Variants in PON1 observed in about 807,000 individuals in gnomAD.
The protein encoded by PON1 is paraoxonase 1.
In PON1, 37 loss-of-function variants were observed where a neutral mutation model predicts 39.2. The observed-to-expected ratio is 0.94, with a 90% confidence interval of 0.73 to 1.24. The LOEUF (loss-of-function observed/expected upper bound fraction) is 1.24. Among genes scored for constraint, PON1 ranks in the 50% most tolerant of loss-of-function variants. PON1 has a pLI of 0.00. For synonymous variants in PON1, 148 were observed against 152.2 expected, an observed-to-expected ratio of 0.97 and a Z score of 0.21; for missense variants, 397 against 413.5, an observed-to-expected ratio of 0.96 and a Z score of 0.35.
chr7:95,318,332 T>C lies in PON1; in HGVS notation c.136A>G (p.Lys46Glu). 2 of 1,606,546 alleles carry C rather than the reference T, an allele frequency of 1.2e-6. No homozygotes were observed. The highest frequency in any genetic ancestry group is 3.3e-5 in the Admixed American group (2 of 60,004). Reference sequence around the variant, plus strand: ...CCTCTCACATACATACCGATTCCTTTAACTAAATTACAGTTAGGAAGTTCT... The same window carrying C: ...CCTCTCACATACATACCGATTCCTTCAACTAAATTACAGTTAGGAAGTTCT... ...PVELPNCNLVKGIETGSEDLE... is the reference protein window; with the variant it reads ...PVELPNCNLVEGIETGSEDLE... The change falls in exon 2 of 9, where the codon AAA (lysine) becomes GAA (glutamate). Residue 46 changes from lysine (K) to glutamate (E), a missense_variant. By Grantham distance (56) the Lys-to-Glu change is moderately conservative. Transcript: ENST00000222381.
At chr7:95,315,798 T>C (rs146067103) in intron 3 of PON1, among the ~76,000 whole-genome samples, 1,719 of 152,226 alleles carry the variant, frequency 0.011, 19 homozygotes, top group Middle Eastern at 0.037. Context: ...AAAAAGGCAA[T>C]TAATAATAGT....
intron 1 of PON1, among the ~76,000 whole-genome samples, chr7:95,320,586 T>G (rs1050170730): frequency 6.6e-6 from 1 of 152,182 alleles, no homozygotes; most frequent in African/African-American, 2.4e-5. Context: ...GGCCACAGAG[T>G]TATAAAGTGG....
intron 6 of PON1, among the ~76,000 whole-genome samples, chr7:95,307,351 C>T (rs553840670): frequency 6.6e-6 from 1 of 152,244 alleles, no homozygotes; most frequent in Non-Finnish European, 1.5e-5. Flanking sequence ...CCACACCTGG[C>T]CCCTGTTGCT....
Position 95,322,471 on chromosome 7 carries a change from C to T in PON1, c.74+1931G>A, listed in dbSNP as rs17166810. On this transcript the variant is annotated intron_variant, in intron 1 of 8. Transcript: ENST00000222381. ...AACTTGAAAGTTGCAGAAATGATAT[C>T]TAACCCAGGTCATCAGGAATCCACA... is the stretch of plus-strand genomic sequence containing the variant. Among the ~76,000 whole-genome samples the T allele has an allele frequency of 9.3e-3, 1,418 of 152,084 alleles. 23 individuals carry two copies. The highest frequency in any genetic ancestry group is 0.032 in the African/African-American group (1,336 of 41,466).
intron 1 of PON1, among the ~76,000 whole-genome samples, chr7:95,323,321 A>G (rs1401796204): frequency 6.6e-6 from 1 of 152,178 alleles, no homozygotes; most frequent in African/African-American, 2.4e-5. Flanking sequence ...AGCCACCAGC[A>G]CTGTGATTAA....
At chr7:95,310,401 T>C (rs1333400441) in intron 5 of PON1, among the ~76,000 whole-genome samples, 1 of 152,230 alleles carries the variant, frequency 6.6e-6, no homozygotes, top group Non-Finnish European at 1.5e-5. Flanking sequence ...CTCCACTCAG[T>C]GACCTTATTC....
chr7:95,305,336 T>G (rs980187471), intron 7 of PON1, among the ~76,000 whole-genome samples: 2 of 152,260 alleles, frequency 1.3e-5, no homozygotes, highest in Admixed American at 6.5e-5. Context: ...TTTTCACCCA[T>G]TTTGACTCCA....
chr7:95,323,478 A>C (rs1031356703), intron 1 of PON1, among the ~76,000 whole-genome samples: 3 of 152,134 alleles, frequency 2.0e-5, no homozygotes, highest in Admixed American at 2.0e-4. Flanking sequence ...GTAAGCTTCT[A>C]ATTAGTCCAT....
At chr7:95,307,385 T>C (rs1807565637) in intron 6 of PON1, among the ~76,000 whole-genome samples, 1 of 152,136 alleles carries the variant, frequency 6.6e-6, no homozygotes, top group African/African-American at 2.4e-5. Context: ...TGTTACGGAC[T>C]CTAAAATCCT....
In PON1 at chr7:95,302,367, ATAAAG is replaced by A. The variant is rs766896819; in HGVS notation, c.781-39_781-35del. ...ATTAAAAACAAGAAAAGAACAAGAC[ATAAAG>A]TAAAACACAATTGTGATGGAGCAAA... is the stretch of plus-strand genomic sequence containing the variant. On this transcript the variant is annotated intron_variant, in intron 7 of 8. Coordinates refer to ENST00000222381, the MANE Select transcript of PON1 (RefSeq NM_000446.7). 6 of 1,584,522 alleles carry A rather than the reference ATAAAG, an allele frequency of 3.8e-6. No homozygotes were observed. The South Asian group carries it at 4.4e-5, about 12-fold the overall frequency.
intron 3 of PON1, 36 bp from the exon 4 acceptor site, chr7:95,315,526 AC>A: frequency 6.2e-7 from 1 of 1,601,900 alleles, no homozygotes; most frequent in Non-Finnish European, 8.5e-7. Context: ...CAAGCACAAT[AC>A]CAGTACTTCA....
chr7:95,306,816 CAA>C (rs1320846754), intron 6 of PON1, among the ~76,000 whole-genome samples: 2 of 152,026 alleles, frequency 1.3e-5, no homozygotes, highest in East Asian at 3.9e-4. Context: ...TGGCTTGGAT[CAA>C]GAGAAGTCTT....
At chr7:95,322,326 A>AATATGTGTG (rs755322448) in intron 1 of PON1, among the ~76,000 whole-genome samples, 1 of 75,234 alleles carries the variant, frequency 1.3e-5, no homozygotes, top group African/African-American at 4.5e-5. Context: ...ATATAAATAT[A>AATATGTGTG]TGTATGTGTG....
At chr7:95,305,268 G>A (rs1807515662) in intron 7 of PON1, among the ~76,000 whole-genome samples, 1 of 152,170 alleles carries the variant, frequency 6.6e-6, no homozygotes, top group South Asian at 2.1e-4. Context: ...TTCGGAGGTA[G>A]AGGGCTGCTT....
chr7:95,303,591 A>G (rs1041828752), intron 7 of PON1, among the ~76,000 whole-genome samples: 3 of 152,172 alleles, frequency 2.0e-5, no homozygotes, highest in Non-Finnish European at 4.4e-5. Flanking sequence ...GAGCTCCTAC[A>G]TGAGCTCTGC....
chr7:95,306,493 A>G (rs1449928239), intron 6 of PON1, 127 bp from the exon 7 acceptor site: 4 of 734,372 alleles, frequency 5.4e-6, no homozygotes, highest in African/African-American at 1.7e-5. Flanking sequence ...ACCCACCTCA[A>G]ACACACCAAA....
At position 95,305,959 on chromosome 7, in the gene PON1, G is replaced by A. The variant is rs574732276; in HGVS notation, c.780+326C>T. Among the ~76,000 whole-genome samples the A allele has an allele frequency of 3.0e-4, 46 of 152,218 alleles. No homozygotes were observed. The Middle Eastern group carries it at 0.01, about 34-fold the overall frequency. ...AGAAAGAAAAGGGAGGAGAGGGAAGGAAGGTGGAGGAGAGGGAGATCAGAA... is the reference window on the plus strand; with the variant it reads ...AGAAAGAAAAGGGAGGAGAGGGAAGAAAGGTGGAGGAGAGGGAGATCAGAA... On this transcript the variant is annotated intron_variant, in intron 7 of 8. Coordinates refer to ENST00000222381, the MANE Select transcript of PON1 (RefSeq NM_000446.7).
chr7:95,324,432 G>T lies in PON1; in HGVS notation c.44C>A (p.Ala15Glu). 6.2e-7 allele frequency: 1 copy of T among 1,614,168 alleles called. No individual in the cohort carries two copies. The highest frequency in any genetic ancestry group is 2.2e-5 in the East Asian group (1 of 44,858). ...IALTLLGMGL[A>E]LFRNHQSSYQ... ...AGAAGACTGGTGGTTCCTGAAGAGT[G>T]CCAGTCCCATCCCCAAGAGGGTGAG... Residue 15 changes from alanine (A) to glutamate (E), a missense_variant, in exon 1 of 9, where the codon GCA (alanine) becomes GAA (glutamate). Coordinates refer to ENST00000222381, the MANE Select transcript of PON1 (RefSeq NM_000446.7).
rs150072923 is a variant in PON1 at position 95,311,480 on chromosome 7, T to G, written c.468A>C (p.Leu156=). Reference sequence around the variant, plus strand: ...GCAGAAGTTTATGTCTGATGGTTTTTAGATGCAAAAGCGATTTTTCTTCTT... The same window carrying G: ...GCAGAAGTTTATGTCTGATGGTTTTGAGATGCAAAAGCGATTTTTCTTCTT... ...FQEEEKSLLH[L]KTIRHKLLPN... is the part of the protein sequence containing the mutation. Residue 156 remains leucine, a synonymous_variant, in exon 5 of 9, where the codon CTA becomes CTC. Coordinates refer to ENST00000222381, the MANE Select transcript of PON1 (RefSeq NM_000446.7). 79 of 1,614,072 alleles carry G rather than the reference T, an allele frequency of 4.9e-5. No individual in the cohort carries two copies. The highest frequency in any genetic ancestry group is 6.3e-5 in the Non-Finnish European group (74 of 1,180,010).
Sources: gnomAD v4.1 joint callset for allele counts (sites outside exome capture counted in the v4.1 genomes callset) on GRCh38, gnomAD v4.1.1 for gene constraint, MANE v1.5 for transcripts, NCBI Gene and HGNC (gene_info 2026-07-23, HGNC 2026-07-21) for gene names.